Variants in DIAPH2 observed in about 807,000 individuals in gnomAD.
The protein encoded by DIAPH2 is protein diaphanous homolog 2.
A neutral mutation model predicts 92.7 loss-of-function variants in DIAPH2; 35 were observed. The observed-to-expected ratio is 0.38, with a 90% CI of 0.29 to 0.50. The LOEUF (loss-of-function observed/expected upper bound fraction) is 0.50, where lower values mean the gene tolerates loss of function less well. Ranked by LOEUF, DIAPH2 falls within the 20% of genes least tolerant of loss-of-function variation. The pLI is 0.94. For synonymous variants in DIAPH2, 301 were observed against 280.4 expected, an observed-to-expected ratio of 1.07 and a Z score of -0.73; for missense variants, 701 against 819.5, an observed-to-expected ratio of 0.86 and a Z score of 1.77.
intron 5 of DIAPH2, among the ~76,000 whole-genome samples, chrX:96,907,457 A>G: frequency 8.9e-6 from 1 of 112,292 alleles, no homozygotes; most frequent in Non-Finnish European, 1.9e-5. Flanking sequence ...GTTATAGAAA[A>G]TTGTGTACCG....
intron 3 of DIAPH2, among the ~76,000 whole-genome samples, chrX:96,757,725 C>T (rs769534187): frequency 2.1e-4 from 23 of 110,916 alleles, no homozygotes; most frequent in Non-Finnish European, 7.6e-5. Context: ...ATATATAGAC[C>T]CTGACAATTT....
In DIAPH2 at chrX:97,589,678, G is replaced by A. The variant is rs750295626; in HGVS notation, c.3242-9575G>A. 1.4e-4 allele frequency among the ~76,000 whole-genome samples: 16 copies of A among 111,941 alleles called. No homozygotes were observed. In the East Asian group the frequency reaches 2.8e-3, roughly 20 times the overall value. ...ATGATCTAGCTTTATACATTTATCC[G>A]ATAATGTGAGGACTGGCTTTGTCCC... On this transcript the variant is annotated intron_variant, in intron 26 of 26. Coordinates refer to ENST00000324765, the MANE Select transcript of DIAPH2 (RefSeq NM_006729.5).
intron 23 of DIAPH2, among the ~76,000 whole-genome samples, chrX:97,339,882 G>A (rs1046568286): frequency 1.8e-5 from 2 of 111,900 alleles, no homozygotes; most frequent in African/African-American, 6.5e-5. Context: ...ATATGTATTA[G>A]ATATGTCCCA....
intron 4 of DIAPH2, among the ~76,000 whole-genome samples, chrX:96,848,368 G>A (rs233218): frequency 0.55 from 60,544 of 110,831 alleles, 13,117 homozygotes; most frequent in African/African-American, 0.82. Flanking sequence ...GAGAGAAAAT[G>A]GGATTGATGC....
intron 26 of DIAPH2, among the ~76,000 whole-genome samples, chrX:97,471,376 A>T (rs987837033): frequency 9.0e-6 from 1 of 111,675 alleles, no homozygotes; most frequent in Non-Finnish European, 1.9e-5. Context: ...TGCCTAAAAA[A>T]GTTGAGTTGA....
At chrX:96,806,182 G>A in intron 4 of DIAPH2, among the ~76,000 whole-genome samples, 1 of 111,573 alleles carries the variant, frequency 9.0e-6, no homozygotes, top group Non-Finnish European at 1.9e-5. Context: ...TAATAGTCGT[G>A]TCACAAATTT....
intron 4 of DIAPH2, among the ~76,000 whole-genome samples, chrX:96,814,357 C>T (rs2064713110): frequency 9.0e-6 from 1 of 111,696 alleles, no homozygotes; most frequent in African/African-American, 3.3e-5. Context: ...GTTCTTGTGC[C>T]ATGGTTTTCA....
intron 4 of DIAPH2, among the ~76,000 whole-genome samples, chrX:96,800,343 T>C (rs769675627): frequency 1.8e-5 from 2 of 111,926 alleles, no homozygotes; most frequent in African/African-American, 3.2e-5. Flanking sequence ...CCCAGGACAC[T>C]CAGTTTTTCA....
chrX:97,334,851 G>A (rs923123592), intron 23 of DIAPH2, among the ~76,000 whole-genome samples: 3 of 107,343 alleles, frequency 2.8e-5, no homozygotes, highest in Non-Finnish European at 5.8e-5. Context: ...TGTGGTGGCA[G>A]GCGCCTGTAA....
intron 17 of DIAPH2, among the ~76,000 whole-genome samples, chrX:97,015,273 T>C (rs2066252533): frequency 1.8e-5 from 2 of 111,873 alleles, no homozygotes; most frequent in Admixed American, 1.9e-4. Flanking sequence ...AACTGTTATA[T>C]GGGAACCAAT....
intron 26 of DIAPH2, among the ~76,000 whole-genome samples, chrX:97,583,063 T>A (rs1165992138): frequency 9.0e-6 from 1 of 111,336 alleles, no homozygotes; most frequent in Non-Finnish European, 1.9e-5. Flanking sequence ...GTTATTCTAG[T>A]TATACATTCT....
intron 9 of DIAPH2, among the ~76,000 whole-genome samples, chrX:96,922,571 A>G (rs1425247495): frequency 9.0e-6 from 1 of 111,641 alleles, no homozygotes; most frequent in Non-Finnish European, 1.9e-5. Flanking sequence ...TATCTGTAAA[A>G]AATGAGTCCA....
intron 25 of DIAPH2, among the ~76,000 whole-genome samples, chrX:97,392,373 G>C (rs1427592672): frequency 8.9e-6 from 1 of 111,839 alleles, no homozygotes; most frequent in Non-Finnish European, 1.9e-5. Flanking sequence ...CCACCCTTAA[G>C]AAGTTTTCAT....
intron 26 of DIAPH2, among the ~76,000 whole-genome samples, chrX:97,456,357 A>G (rs1208526693): frequency 1.8e-5 from 2 of 109,771 alleles, no homozygotes; most frequent in South Asian, 4.1e-4. Flanking sequence ...GCTGCACTCC[A>G]GCCTGGGCGA....
intron 26 of DIAPH2, among the ~76,000 whole-genome samples, chrX:97,440,876 G>A (rs1339769214): frequency 9.1e-6 from 1 of 110,292 alleles, no homozygotes; most frequent in Non-Finnish European, 1.9e-5. Flanking sequence ...TTACTTAATG[G>A]GTACAATGTA....
chrX:97,262,626 A>G (rs1381338306), intron 23 of DIAPH2, among the ~76,000 whole-genome samples: 1 of 111,970 alleles, frequency 8.9e-6, no homozygotes, highest in Non-Finnish European at 1.9e-5. Flanking sequence ...TGATGAATCA[A>G]GAGTTTGGTT....
chrX:96,962,468 C>T (rs868333029), intron 16 of DIAPH2, among the ~76,000 whole-genome samples: 14 of 33,361 alleles, frequency 4.2e-4, no homozygotes, highest in South Asian at 2.1e-3. Context: ...TATATATATA[C>T]ATATATATAT....
At chrX:97,299,004 G>A (rs761855030) in intron 23 of DIAPH2, among the ~76,000 whole-genome samples, 2 of 111,444 alleles carry the variant, frequency 1.8e-5, no homozygotes, top group East Asian at 5.7e-4. Context: ...CCCTTGAGCT[G>A]TTTACCACGT....
chrX:96,985,489 TCA>T (rs1379676610), intron 17 of DIAPH2, among the ~76,000 whole-genome samples: 1 of 110,773 alleles, frequency 9.0e-6, no homozygotes, highest in East Asian at 2.8e-4. Flanking sequence ...AAACATTTTT[TCA>T]GTCTTTCCTA....
Sources: allele counts gnomAD v4.1 joint callset (sites outside exome capture counted in the v4.1 genomes callset), GRCh38; gene constraint gnomAD v4.1.1; transcripts MANE v1.5; gene names NCBI Gene and HGNC (gene_info 2026-07-23, HGNC 2026-07-21).